RICTOR: variants seen among roughly 807,000 people sequenced by gnomAD.
RICTOR encodes rapamycin-insensitive companion of mTOR.
Under a neutral mutation model 214.9 loss-of-function variants are expected in RICTOR, and 49 were observed. The ratio of observed to expected loss-of-function variants is 0.23; its 90% CI spans 0.18 to 0.29. RICTOR has a LOEUF of 0.29. Ranked by LOEUF, RICTOR falls within the 10% of genes least tolerant of loss-of-function variation. The probability of loss-of-function intolerance (pLI) is 1.00; values close to 1 mark genes in which losing one functional copy is unlikely to be tolerated. For missense variants in RICTOR, 1,625 were observed against 2,047.0 expected (o/e 0.79, Z 3.98); for synonymous variants, 717 against 711.3 (o/e 1.01, Z -0.13).
chr5:38,996,774 A>G, intron 6 of RICTOR, 45 bp downstream of exon 6: 1 of 1,210,696 alleles, frequency 8.3e-7, no homozygotes, highest in Non-Finnish European at 1.2e-6. Context: ...AAATATTAAC[A>G]TAAAAACCAT....
chr5:38,982,504 C>T (rs1751792111), intron 7 of RICTOR, among the ~76,000 whole-genome samples: 1 of 152,112 alleles, frequency 6.6e-6, no homozygotes, highest in African/African-American at 2.4e-5. Flanking sequence ...TGCATACGTG[C>T]ATGTGTACAT....
In RICTOR at chr5:38,953,028, T is replaced by C. The variant is rs745822830; in HGVS notation, c.2854A>G (p.Ile952Val). 1 of 1,610,748 alleles carries C rather than the reference T, an allele frequency of 6.2e-7. No homozygotes were observed. The highest frequency in any genetic ancestry group is 1.1e-5 in the South Asian group (1 of 90,828). Reference sequence around the variant, plus strand: ...TCACACTGTTTTGCAAGTTTTAGTATATCTGGAATCACGTTTTCTTCCTGT... The same window carrying C: ...TCACACTGTTTTGCAAGTTTTAGTACATCTGGAATCACGTTTTCTTCCTGT... ...LLQEENVIPD[I>V]LKLAKQCEVL... The change falls in exon 29 of 38, where the codon ATA becomes GTA. Residue 952 changes from isoleucine to valine, a missense_variant. Ile to Val is a conservative substitution (Grantham distance 29). Transcript: ENST00000357387.
intron 31 of RICTOR, among the ~76,000 whole-genome samples, chr5:38,948,301 A>G (rs548817880): frequency 2.9e-4 from 44 of 152,316 alleles, no homozygotes; most frequent in Non-Finnish European, 5.4e-4. Context: ...AACACACAAA[A>G]GAAATGCTTT....
chr5:38,980,091 C>A (rs1341647063), intron 8 of RICTOR, among the ~76,000 whole-genome samples: 1 of 152,042 alleles, frequency 6.6e-6, no homozygotes, highest in African/African-American at 2.4e-5. Flanking sequence ...CTGGAATTTC[C>A]ATTTGATTTT....
chr5:38,960,636 G>C, intron 19 of RICTOR, 103 bp from the exon 20 acceptor site: 2 of 1,203,268 alleles, frequency 1.7e-6, no homozygotes, highest in Non-Finnish European at 1.2e-6. Flanking sequence ...ATATGTTTTG[G>C]GTCTGAACCA....
At chr5:39,026,843 C>A (rs1755865715) in intron 2 of RICTOR, among the ~76,000 whole-genome samples, 1 of 151,702 alleles carries the variant, frequency 6.6e-6, no homozygotes, top group African/African-American at 2.4e-5. Context: ...CCCCGTCTCT[C>A]CTAACAATAC....
At position 38,949,961 on chromosome 5, in the gene RICTOR, A is replaced by G. The variant is rs762872606; in HGVS notation, c.3887T>C (p.Leu1296Pro). ...SLVPPGSSHT[L>P]PRRAQSLKAP... ...TTTAAGGGACTGTGCTCTTCTAGGA[A>G]GCGTATGAGAAGAACCTGGAGGCAC... The change falls in exon 31 of 38, where the codon CTT (leucine) becomes CCT (proline). Residue 1296 changes from leucine (L) to proline (P), a missense_variant. By Grantham distance (98) the Leu-to-Pro change is moderately conservative (BLOSUM62 -3). Around this residue, in one of 5 missense-constraint regions of RICTOR, gnomAD observed 1,214 missense variants for 1,470.5 expected, o/e 0.83. Transcript: ENST00000357387. 1 of 1,613,526 alleles carries G rather than the reference A, an allele frequency of 6.2e-7. No individual in the cohort carries two copies. Among genetic ancestry groups the G allele is most frequent in the Non-Finnish European group, 8.5e-7 (1 of 1,179,668 alleles).
At position 38,950,055 on chromosome 5, in the gene RICTOR, T is replaced by C; in HGVS notation, c.3793A>G (p.Lys1265Glu). 1 of 1,613,160 alleles carries C rather than the reference T, an allele frequency of 6.2e-7. No homozygotes were observed. The highest frequency in any genetic ancestry group is 8.5e-7 in the Non-Finnish European group (1 of 1,179,566). ...TGTGGCGTCAAATAGTGGCTTGTCT[T>C]AATAGTTTTAGTACTTACCACAGTA... Reference protein sequence around the residue: ...MSTVVSTKTIKTSHYLTPQSN... With the variant: ...MSTVVSTKTIETSHYLTPQSN... The change falls in exon 31 of 38, where the codon AAG becomes GAG. Residue 1265 changes from lysine (K) to glutamate (E), a missense_variant. Around this residue, in one of 5 missense-constraint regions of RICTOR, gnomAD observed 1,214 missense variants for 1,470.5 expected, o/e 0.83. Transcript: ENST00000357387.
intron 4 of RICTOR, 65 bp downstream of exon 4, chr5:39,003,491 TAA>T (rs1753802216): frequency 1.1e-5 from 11 of 1,027,508 alleles, no homozygotes; most frequent in Non-Finnish European, 1.7e-5. Flanking sequence ...ATTTCTAGTT[TAA>T]AATTACTAAA....
intron 6 of RICTOR, among the ~76,000 whole-genome samples, chr5:38,994,451 A>G (rs2592307): frequency 0.71 from 71,602 of 100,660 alleles, 27,817 homozygotes; most frequent in Middle Eastern, 0.86. Flanking sequence ...AAAAAAAAAA[A>G]AGTGCTTCAG....
intron 6 of RICTOR, among the ~76,000 whole-genome samples, chr5:38,994,670 C>T (rs1168192683): frequency 6.6e-6 from 1 of 152,066 alleles, no homozygotes; most frequent in Non-Finnish European, 1.5e-5. Context: ...AACTACTCTG[C>T]ATCTCAGAAG....
At chr5:39,020,191 G>A (rs1755299768) in intron 3 of RICTOR, among the ~76,000 whole-genome samples, 2 of 152,170 alleles carry the variant, frequency 1.3e-5, no homozygotes, top group Admixed American at 1.3e-4. Flanking sequence ...TATGAACACT[G>A]TTGAAATGAC....
chr5:38,949,249 T>C (rs1434381831), intron 31 of RICTOR: 12 of 644,376 alleles, frequency 1.9e-5, no homozygotes, highest in Non-Finnish European at 3.0e-5. Flanking sequence ...AGGTTCCTAT[T>C]TAATAATCAC....
chr5:38,998,443 T>C (rs1463970304), intron 5 of RICTOR, among the ~76,000 whole-genome samples: 1 of 152,110 alleles, frequency 6.6e-6, no homozygotes, highest in Non-Finnish European at 1.5e-5. Context: ...CGCCTAGGCC[T>C]CCCAAAATGC....
intron 16 of RICTOR, 22 bp downstream of exon 16, chr5:38,964,770 T>A (rs1410591780): frequency 4.0e-6 from 5 of 1,260,446 alleles, no homozygotes; most frequent in Admixed American, 2.0e-5. Context: ...AACAAAAGCT[T>A]TGCTAAAGCT....
chr5:38,970,052 T>C (rs974947108), intron 11 of RICTOR: 9 of 152,206 alleles, frequency 5.9e-5, no homozygotes, highest in Non-Finnish European at 1.3e-4. Context: ...GTGTTACAAC[T>C]GCCTACAGTA....
rs539905070 is a variant in RICTOR, at chr5:39,059,734, AT to A, written c.97+14376del. Among the ~76,000 whole-genome samples, 609 of 151,904 alleles carry A rather than the reference AT, an allele frequency of 4.0e-3. 5 individuals are homozygous for A. The highest frequency in any genetic ancestry group is 0.013 in the African/African-American group (547 of 41,452). ...TTGAAACAATCCTCCACTTTCTATG[AT>A]TTTTTTTCCAGCTCACATCAATCTC... On this transcript the variant is annotated intron_variant, in intron 2 of 37. Coordinates refer to ENST00000357387, the MANE Select transcript of RICTOR (RefSeq NM_152756.5).
rs767185450 is a variant in RICTOR at position 38,958,871 on chromosome 5, T to G, written c.2179-40A>C. The G allele has an allele frequency of 5.5e-6, 7 of 1,262,514 alleles. No homozygotes were observed. The South Asian group carries it at 1.2e-4, about 22-fold the overall frequency. The allele number at this position is 1,262,514 out of a possible 1,614,324, so 78.2% of individuals were successfully genotyped here. A position where few individuals can be genotyped will look rare whatever the true frequency, so the allele number is the denominator to read the frequency against. On this transcript the variant is annotated intron_variant, in intron 22 of 37. Coordinates refer to ENST00000357387, the MANE Select transcript of RICTOR (RefSeq NM_152756.5). ...GAATACATTAAAAAAAAAAAAAACT[T>G]CAGCATAAATAGCCTATTTGATTTT...
At chr5:39,041,299 AT>A (rs1386355787) in intron 2 of RICTOR, among the ~76,000 whole-genome samples, 1 of 152,236 alleles carries the variant, frequency 6.6e-6, no homozygotes, top group Non-Finnish European at 1.5e-5. Flanking sequence ...ATAGCAAGAA[AT>A]TCTATATCTT....
Sources: allele counts gnomAD v4.1 joint callset (sites outside exome capture counted in the v4.1 genomes callset), GRCh38; gene constraint gnomAD v4.1.1; regional missense constraint gnomAD v4.1.1; transcripts MANE v1.5; gene names NCBI Gene and HGNC (gene_info 2026-07-23, HGNC 2026-07-21).